Variants in LIPJ observed in about 807,000 individuals in gnomAD.
The protein encoded by LIPJ is lipase family member J.
A neutral mutation model predicts 39.8 loss-of-function variants in LIPJ; 33 were observed. The observed-to-expected ratio is 0.83, with a 90% confidence interval of 0.63 to 1.11. The LOEUF (loss-of-function observed/expected upper bound fraction) is 1.11. Ranked by LOEUF, LIPJ falls within the 50% of genes least tolerant of loss-of-function variation. The pLI is 0.00. For synonymous variants in LIPJ, 128 were observed against 139.2 expected (o/e 0.92, Z 0.57); for missense variants, 422 against 427.9 (o/e 0.99, Z 0.12).
intron 8 of LIPJ, among the ~76,000 whole-genome samples, chr10:88,597,186 G>A (rs1001823598): frequency 2.1e-4 from 32 of 151,666 alleles, no homozygotes; most frequent in Non-Finnish European, 3.8e-4. Context: ...GATGTGATGG[G>A]TATCTTTATT....
chr10:88,614,706 T>A, the LIPJ span, among the ~76,000 whole-genome samples: 1 of 152,130 alleles, frequency 6.6e-6, no homozygotes, highest in South Asian at 2.1e-4. Flanking sequence ...CTAAATTTTA[T>A]ATAGAATTGC....
upstream of LIPJ, chr10:88,583,546 A>G (rs1471631211): frequency 4.5e-6 from 5 of 1,102,796 alleles, no homozygotes; most frequent in East Asian, 3.6e-4. Context: ...ACAGCAGAGA[A>G]GCAGCTTAAC....
chr10:88,619,165 G>GGAACAAA, the LIPJ span, among the ~76,000 whole-genome samples: 2 of 149,324 alleles, frequency 1.3e-5, no homozygotes, highest in Admixed American at 6.7e-5. Context: ...TCCACGCTGT[G>GGAACAAA]GAAGCTTTGT....
chr10:88,621,987 T>A, the LIPJ span, among the ~76,000 whole-genome samples: 1 of 152,186 alleles, frequency 6.6e-6, no homozygotes, highest in East Asian at 1.9e-4. Flanking sequence ...TAGTACTACC[T>A]ATTGGTGCCC....
rs1851053758 is a variant in LIPJ, at chr10:88,590,834, C to A, written c.9+138C>A. On this transcript the variant is annotated intron_variant, in intron 3 of 10. Coordinates refer to ENST00000371939, the Ensembl canonical transcript of LIPJ. ...ATATTTCTCATCTGCTATTCTATAG[C>A]TTAGTTTCTCCTTCAGCCTTATTCT... 1.2e-5 allele frequency: 7 copies of A among 604,268 alleles called. No individual in the cohort carries two copies. The Middle Eastern group carries it at 1.8e-3, about 157-fold the overall frequency. The allele number at this position is 604,268 out of a possible 1,614,324, so 37.4% of individuals were successfully genotyped here.
intron 6 of LIPJ, among the ~76,000 whole-genome samples, chr10:88,596,005 A>G (rs891685636): frequency 1.3e-5 from 2 of 151,604 alleles, no homozygotes; most frequent in East Asian, 3.9e-4. Flanking sequence ...TCTTGCTCCT[A>G]ATTTTTAAAC....
chr10:88,607,057 A>G (rs1851691964), downstream of LIPJ: 1 of 728,734 alleles, frequency 1.4e-6, no homozygotes, highest in East Asian at 3.2e-5. Flanking sequence ...CCCTCCAGTC[A>G]TTAAATCAGT....
At chr10:88,613,770 G>GTCTATATATATATATA in the LIPJ span, among the ~76,000 whole-genome samples, 1 of 75,514 alleles carries the variant, frequency 1.3e-5, no homozygotes, top group Non-Finnish European at 2.8e-5. Flanking sequence ...ATGTGTGTGT[G>GTCTATATATATATATA]TATATATATA....
At chr10:88,604,775 C>G (rs1379008599) in intron 9 of LIPJ, among the ~76,000 whole-genome samples, 1 of 151,800 alleles carries the variant, frequency 6.6e-6, no homozygotes, top group Non-Finnish European at 1.5e-5. Flanking sequence ...ATATAGGAGC[C>G]TAGAATTTAG....
chr10:88,588,078 G>A (rs1466055713), intron 2 of LIPJ, among the ~76,000 whole-genome samples: 4 of 151,764 alleles, frequency 2.6e-5, no homozygotes, highest in African/African-American at 9.7e-5. Context: ...TGTTTTTAGA[G>A]TTCATAAAAT....
intron 8 of LIPJ, among the ~76,000 whole-genome samples, chr10:88,597,745 C>G (rs1339915568): frequency 6.6e-6 from 1 of 151,918 alleles, no homozygotes; most frequent in East Asian, 1.9e-4. Flanking sequence ...GTCTTTTCCA[C>G]CCATAAAGAT....
the LIPJ span, among the ~76,000 whole-genome samples, chr10:88,619,702 T>C: frequency 6.6e-6 from 1 of 152,170 alleles, no homozygotes. Context: ...AATTTTGGAA[T>C]GTTTTAAAAT....
At chr10:88,586,548 G>A (rs1255024720), upstream of LIPJ, among the ~76,000 whole-genome samples, 1 of 152,078 alleles carries the variant, frequency 6.6e-6, no homozygotes, top group Non-Finnish European at 1.5e-5. Flanking sequence ...ACCTAAAATA[G>A]CCACCCAGTG....
the LIPJ span, among the ~76,000 whole-genome samples, chr10:88,616,606 G>A: frequency 2.6e-5 from 4 of 152,200 alleles, no homozygotes; most frequent in African/African-American, 9.7e-5. Context: ...ATGGGATTAC[G>A]GCCGCCTACA....
the LIPJ span, among the ~76,000 whole-genome samples, chr10:88,619,251 G>T: frequency 6.7e-6 from 1 of 148,320 alleles, no homozygotes; most frequent in African/African-American, 2.5e-5. Context: ...ACATTAACCA[G>T]CTGTATGGTC....
chr10:88,603,285 G>A (rs932217558), intron 9 of LIPJ, among the ~76,000 whole-genome samples: 3 of 152,082 alleles, frequency 2.0e-5, no homozygotes, highest in African/African-American at 4.8e-5. Flanking sequence ...AAATCTGACC[G>A]GAACACAGTT....
chr10:88,607,241 TA>T (rs1456753880), downstream of LIPJ, among the ~76,000 whole-genome samples: 2 of 152,200 alleles, frequency 1.3e-5, no homozygotes, highest in Non-Finnish European at 2.9e-5. Context: ...ACATATATTA[TA>T]AAAATAGAGT....
intron 9 of LIPJ, 97 bp from the exon 10 acceptor site, chr10:88,605,536 C>T: frequency 1.3e-6 from 1 of 787,814 alleles, no homozygotes; most frequent in Non-Finnish European, 2.2e-6. Flanking sequence ...CCAGCAGACC[C>T]AGTACAATGG....
chr10:88,608,474 T>C (rs1290458887), downstream of LIPJ, among the ~76,000 whole-genome samples: 1 of 152,238 alleles, frequency 6.6e-6, no homozygotes, highest in East Asian at 1.9e-4. Context: ...CAGGGGAAGA[T>C]AAACTTTTCT....
Sources: gnomAD v4.1 joint callset for allele counts (sites outside exome capture counted in the v4.1 genomes callset) on GRCh38, gnomAD v4.1.1 for gene constraint, MANE v1.5 for transcripts, NCBI Gene and HGNC (gene_info 2026-07-23, HGNC 2026-07-21) for gene names.